ATP9A: variants seen among roughly 807,000 people sequenced by gnomAD.
The protein encoded by ATP9A is probable phospholipid-transporting ATPase IIA.
In ATP9A, 52 loss-of-function variants were observed where a neutral mutation model predicts 144.1. That is an observed-to-expected ratio of 0.36 (90% CI 0.29 to 0.45). The LOEUF (loss-of-function observed/expected upper bound fraction) is 0.45. ATP9A is among the 20% of genes least tolerant of loss of function. The pLI is 1.00. For synonymous variants in ATP9A, 582 were observed against 557.4 expected, an observed-to-expected ratio of 1.04 and a Z score of -0.62; for missense variants, 947 against 1,392.7, an observed-to-expected ratio of 0.68 and a Z score of 5.09.
At chr20:51,745,350 G>C (rs183438418) in intron 1 of ATP9A, among the ~76,000 whole-genome samples, 1 of 151,328 alleles carries the variant, frequency 6.6e-6, no homozygotes, top group African/African-American at 2.4e-5. Flanking sequence ...CAGGAGAATC[G>C]CTTGAACCCA....
At chr20:51,654,213 T>C (rs2077378278) in intron 14 of ATP9A, among the ~76,000 whole-genome samples, 1 of 152,150 alleles carries the variant, frequency 6.6e-6, no homozygotes, top group South Asian at 2.1e-4. Flanking sequence ...AACTGGGTTT[T>C]ATAGCTTGAG....
chr20:51,747,000 C>T (rs370204900), intron 1 of ATP9A, among the ~76,000 whole-genome samples: 31 of 151,684 alleles, frequency 2.0e-4, no homozygotes, highest in African/African-American at 6.5e-4. Context: ...AGCGAGACTC[C>T]GTCTCAAAAA....
intron 22 of ATP9A, among the ~76,000 whole-genome samples, chr20:51,614,748 T>C (rs757641213): frequency 1.3e-5 from 2 of 152,274 alleles, no homozygotes; most frequent in African/African-American, 2.4e-5. Flanking sequence ...ATCAATCTGA[T>C]GGGTTCAAGA....
intron 14 of ATP9A, among the ~76,000 whole-genome samples, chr20:51,651,177 C>G (rs1171753889): frequency 9.4e-5 from 7 of 74,650 alleles, no homozygotes; most frequent in Admixed American, 1.7e-4. Flanking sequence ...CACACACACA[C>G]ACAAAGTAAA....
chr20:51,728,212 G>A (rs1184767025), intron 2 of ATP9A, among the ~76,000 whole-genome samples: 1 of 152,204 alleles, frequency 6.6e-6, no homozygotes, highest in Non-Finnish European at 1.5e-5. Context: ...GGAAATGGAG[G>A]AGTGTGGCCC....
At chr20:51,691,055 G>A (rs967343710) in intron 7 of ATP9A, among the ~76,000 whole-genome samples, 2 of 152,174 alleles carry the variant, frequency 1.3e-5, no homozygotes, top group Non-Finnish European at 2.9e-5. Flanking sequence ...TCGTTTCTCT[G>A]TTTACTCAGC....
At chr20:51,624,795 C>G (rs1366211512) in intron 18 of ATP9A, among the ~76,000 whole-genome samples, 1 of 152,056 alleles carries the variant, frequency 6.6e-6, no homozygotes, top group East Asian at 1.9e-4. Context: ...CACCTGAGGT[C>G]AGGAGTTCAA....
In ATP9A at chr20:51,667,951, C is replaced by T. The variant is rs114404237; in HGVS notation, c.1293+2046G>A. On this transcript the variant is annotated intron_variant, in intron 13 of 27. Coordinates refer to ENST00000338821, the MANE Select transcript of ATP9A (RefSeq NM_006045.3). ...TGCATACCCAGTGCACACTTGTAGT[C>T]CGAGCTACTTGGGAGGCTGAGATGG... 5.2e-3 allele frequency among the ~76,000 whole-genome samples: 780 copies of T among 150,516 alleles called. 4 individuals are homozygous for T. The highest frequency in any genetic ancestry group is 0.013 in the African/African-American group (525 of 40,924).
rs1447638751 is a variant in ATP9A, at chr20:51,627,540, G to T, written c.1845+60C>A. ...TCGCATAGGATGAGGGATGGTGGAA[G>T]GAGTGACTGGGAGGCAGGTGGGGCT... On this transcript the variant is annotated intron_variant, in intron 17 of 27. Coordinates refer to ENST00000338821, the MANE Select transcript of ATP9A (RefSeq NM_006045.3). 2.8e-6 allele frequency: 4 copies of T among 1,431,470 alleles called. No individual in the cohort carries two copies. The African/African-American group carries it at 5.6e-5, about 20-fold the overall frequency. 88.7% of individuals were successfully genotyped at this position (1,431,470 alleles called of 1,614,324 possible).
At chr20:51,728,067 A>C (rs2077723389) in intron 2 of ATP9A, among the ~76,000 whole-genome samples, 1 of 152,178 alleles carries the variant, frequency 6.6e-6, no homozygotes. Context: ...GACTGAGACC[A>C]CATGACTAGT....
At chr20:51,633,872 A>G (rs923265865) in intron 15 of ATP9A, among the ~76,000 whole-genome samples, 1 of 143,878 alleles carries the variant, frequency 7.0e-6, no homozygotes, top group Non-Finnish European at 1.5e-5. Context: ...GGGAGGGAGA[A>G]AGGAAGGAAG....
rs182632719 is a variant in ATP9A at position 51,649,509 on chromosome 20, T to G, written c.1506+7429A>C. The stretch of plus-strand genomic sequence containing the variant: ...GGTGATCATTTCTCACTGCCGTCAG[T>G]ACCACTGTTATCACCATTACTACCT... On this transcript the variant is annotated intron_variant, in intron 14 of 27. Coordinates refer to ENST00000338821, the MANE Select transcript of ATP9A (RefSeq NM_006045.3). Among the ~76,000 whole-genome samples, 8 of 152,362 alleles carry G rather than the reference T, an allele frequency of 5.3e-5. No homozygotes were observed. In the East Asian group the frequency reaches 1.4e-3, roughly 26 times the overall value.
At chr20:51,730,997 T>C (rs952796933) in intron 1 of ATP9A, among the ~76,000 whole-genome samples, 2 of 151,172 alleles carry the variant, frequency 1.3e-5, no homozygotes, top group African/African-American at 4.9e-5. Flanking sequence ...AGTGAGACTC[T>C]CATCTCTATT....
At chr20:51,682,706 C>G (rs887444606) in intron 9 of ATP9A, among the ~76,000 whole-genome samples, 5 of 146,310 alleles carry the variant, frequency 3.4e-5, no homozygotes, top group African/African-American at 1.2e-4. Flanking sequence ...ATTCTCCTGC[C>G]TCAGCCTCCT....
At chr20:51,753,195 A>C (rs1216340050) in intron 1 of ATP9A, among the ~76,000 whole-genome samples, 1 of 152,244 alleles carries the variant, frequency 6.6e-6, no homozygotes, top group African/African-American at 2.4e-5. Flanking sequence ...ACTATAAGGC[A>C]CTGGTTAAGT....
At chr20:51,724,206 G>C (rs1316307009) in intron 3 of ATP9A, among the ~76,000 whole-genome samples, 1 of 152,078 alleles carries the variant, frequency 6.6e-6, no homozygotes, top group Non-Finnish European at 1.5e-5. Context: ...ACGTTAATGA[G>C]ATTTATGAAC....
chr20:51,617,615 T>G (rs1208593558), intron 21 of ATP9A, 61 bp from the exon 22 acceptor site: 1 of 1,557,482 alleles, frequency 6.4e-7, no homozygotes, highest in African/African-American at 1.4e-5. Flanking sequence ...CAAGAATGTA[T>G]GCTTGTCTTT....
intron 14 of ATP9A, among the ~76,000 whole-genome samples, chr20:51,652,200 C>T (rs1282820646): frequency 6.6e-6 from 1 of 152,218 alleles, no homozygotes; most frequent in Non-Finnish European, 1.5e-5. Context: ...TCCGCTCCTC[C>T]GGGTCCGACT....
chr20:51,604,744 C>T, intron 27 of ATP9A, 73 bp downstream of exon 27: 4 of 1,331,054 alleles, frequency 3.0e-6, no homozygotes, highest in Non-Finnish European at 3.9e-6. Flanking sequence ...CCCCTTCCTT[C>T]ATACGGCAGT....
Sources: gnomAD v4.1 joint callset for allele counts (sites outside exome capture counted in the v4.1 genomes callset) on GRCh38, gnomAD v4.1.1 for gene constraint, MANE v1.5 for transcripts, NCBI Gene and HGNC (gene_info 2026-07-23, HGNC 2026-07-21) for gene names.